The following KCNQ5 variants were observed in gnomAD, a reference collection of about 807,000 sequenced individuals.
KCNQ5 encodes the protein potassium voltage-gated channel subfamily KQT member 5.
KCNQ5 carries 30 observed loss-of-function variants against 98.2 expected under a neutral mutation model. That is an observed-to-expected ratio of 0.31 (90% confidence interval 0.23 to 0.41). The LOEUF is 0.41. Ranked by LOEUF, KCNQ5 falls within the 10% of genes least tolerant of loss-of-function variation. The pLI, the probability that KCNQ5 is intolerant of heterozygous loss-of-function variation, is 1.00. For missense variants in KCNQ5, 835 were observed against 1,182.5 expected, an observed-to-expected ratio of 0.71 and a Z score of 4.31; for synonymous variants, 458 against 449.4, an observed-to-expected ratio of 1.02 and a Z score of -0.24.
chr6:73,193,846 T>C (rs1238280558), intron 13 of KCNQ5, among the ~76,000 whole-genome samples: 1 of 150,956 alleles, frequency 6.6e-6, no homozygotes, highest in Non-Finnish European at 1.5e-5. Flanking sequence ...CTTTTTTTTT[T>C]TTTTTTTTTC....
chr6:72,693,045 G>A (rs1768292458), intron 1 of KCNQ5, among the ~76,000 whole-genome samples: 1 of 152,140 alleles, frequency 6.6e-6, no homozygotes, highest in Non-Finnish European at 1.5e-5. Flanking sequence ...TAGCAATATA[G>A]AGAATGGATT....
At chr6:73,027,343 G>T (rs1255728718) in intron 2 of KCNQ5, among the ~76,000 whole-genome samples, 1 of 152,152 alleles carries the variant, frequency 6.6e-6, no homozygotes, top group Non-Finnish European at 1.5e-5. Flanking sequence ...CAGGAACCTG[G>T]AACTTACCTG....
chr6:72,622,659 C>G lies in KCNQ5; in HGVS notation c.398+72C>G, dbSNP rs1300135631. Reference sequence around the variant, plus strand: ...CCCTGGCCCCCTGGGGCGTGCTCCGCGCTCGCGCCCTTGGGCCCCCGCGCG... The same window carrying G: ...CCCTGGCCCCCTGGGGCGTGCTCCGGGCTCGCGCCCTTGGGCCCCCGCGCG... On this transcript the variant is annotated intron_variant, in intron 1 of 13. Transcript: ENST00000370398. This position sits in a 1 kb window ranked among gnomAD's most constrained non-coding sequence, Gnocchi z 6.0. 1.3e-6 allele frequency: 2 copies of G among 1,552,992 alleles called. No homozygotes were observed. Among genetic ancestry groups the G allele is most frequent in the South Asian group, 2.3e-5 (2 of 85,710 alleles).
At chr6:73,035,450 G>A (rs1771368641) in intron 2 of KCNQ5, among the ~76,000 whole-genome samples, 1 of 152,142 alleles carries the variant, frequency 6.6e-6, no homozygotes. Context: ...TGCCATTTCA[G>A]TAAATAGCGA....
chr6:72,890,498 C>T (rs1046092654), intron 1 of KCNQ5, among the ~76,000 whole-genome samples: 2 of 151,462 alleles, frequency 1.3e-5, no homozygotes, highest in African/African-American at 4.8e-5. Context: ...TGCATTAAAA[C>T]AAGTCATTGA....
chr6:72,845,630 G>C (rs1240611472), intron 1 of KCNQ5, among the ~76,000 whole-genome samples: 1 of 152,194 alleles, frequency 6.6e-6, no homozygotes, highest in East Asian at 1.9e-4. Context: ...AGCTCCTGTT[G>C]TCATAACAAA....
intron 10 of KCNQ5, among the ~76,000 whole-genome samples, chr6:73,162,813 C>CA (rs1202693878): frequency 1.3e-5 from 2 of 152,186 alleles, no homozygotes; most frequent in African/African-American, 4.8e-5. Flanking sequence ...GGAGTTGGCA[C>CA]ATCCTCCTCA....
chr6:72,749,613 A>G (rs1240213898), intron 1 of KCNQ5, among the ~76,000 whole-genome samples: 4 of 152,088 alleles, frequency 2.6e-5, no homozygotes, highest in African/African-American at 9.7e-5. Context: ...CTTCCACTCT[A>G]CAGAAAAGGG....
chr6:72,758,802 G>A (rs954239445), intron 1 of KCNQ5, among the ~76,000 whole-genome samples: 2 of 152,064 alleles, frequency 1.3e-5, no homozygotes, highest in Non-Finnish European at 2.9e-5. Flanking sequence ...TACCATTGTA[G>A]AAACAAAAAT....
chr6:73,044,755 G>T (rs2150359872), intron 3 of KCNQ5, among the ~76,000 whole-genome samples: 1 of 152,142 alleles, frequency 6.6e-6, no homozygotes, highest in Non-Finnish European at 1.5e-5. Context: ...GTGACAAAAT[G>T]AAAAAAGAAA....
intron 1 of KCNQ5, among the ~76,000 whole-genome samples, chr6:72,762,708 G>C (rs1772349861): frequency 6.6e-6 from 1 of 152,086 alleles, no homozygotes; most frequent in South Asian, 2.1e-4. Context: ...AGAAGAGGAT[G>C]ATAGTGTGTT....
chr6:72,743,704 A>G lies in KCNQ5; in HGVS notation c.398+121117A>G, dbSNP rs532483858. ...GAACTGGATTCAACCTCTGGTTTGT[A>G]TTCTTACCAGGTCTGCTGACACTGA... On this transcript the variant is annotated intron_variant, in intron 1 of 13. Coordinates refer to ENST00000370398, the MANE Select transcript of KCNQ5 (RefSeq NM_019842.4). 1.1e-4 allele frequency among the ~76,000 whole-genome samples: 16 copies of G among 152,316 alleles called. No homozygotes were observed. The South Asian group carries it at 3.3e-3, about 32-fold the overall frequency.
rs568987527 is a variant in KCNQ5, at chr6:73,148,895, A to G, written c.1468+15254A>G. On this transcript the variant is annotated intron_variant, in intron 10 of 13. Coordinates refer to ENST00000370398, the MANE Select transcript of KCNQ5 (RefSeq NM_019842.4). The stretch of plus-strand genomic sequence containing the variant: ...CTGTGTGCAGTTCTGGTCACCTCCT[A>G]GGGAAGCACTGAGAAGGGAGCAAGT... 2.0e-3 allele frequency among the ~76,000 whole-genome samples: 298 copies of G among 152,268 alleles called. 3 individuals are homozygous for G. Among genetic ancestry groups the G allele is most frequent in the African/African-American group, 6.9e-3 (287 of 41,564 alleles).
At chr6:72,934,762 CTA>C in intron 1 of KCNQ5, among the ~76,000 whole-genome samples, 1 of 152,294 alleles carries the variant, frequency 6.6e-6, no homozygotes, top group East Asian at 1.9e-4. Flanking sequence ...CATAGCTCAG[CTA>C]TGTTTTTTCA....
chr6:73,135,504 C>G (rs1204324197), intron 10 of KCNQ5: 3 of 151,838 alleles, frequency 2.0e-5, no homozygotes, highest in Non-Finnish European at 4.4e-5. Context: ...TTAGCCCTTC[C>G]TTTCACACAC....
chr6:72,918,271 C>T (rs1780250028), intron 1 of KCNQ5, among the ~76,000 whole-genome samples: 5 of 152,142 alleles, frequency 3.3e-5, no homozygotes, highest in Admixed American at 3.3e-4. Context: ...TTTGTTTAAA[C>T]TCATGCCAAA....
chr6:72,901,341 AG>A (rs1389321321), intron 1 of KCNQ5, among the ~76,000 whole-genome samples: 1 of 151,796 alleles, frequency 6.6e-6, no homozygotes, highest in Non-Finnish European at 1.5e-5. Flanking sequence ...GTCATGCAAA[AG>A]CTCTTTTAAT....
At chr6:72,758,656 G>T (rs1265642161) in intron 1 of KCNQ5, among the ~76,000 whole-genome samples, 1 of 152,110 alleles carries the variant, frequency 6.6e-6, no homozygotes, top group African/African-American at 2.4e-5. Flanking sequence ...GCACACAAAT[G>T]AGCAAAGGGG....
intron 11 of KCNQ5, among the ~76,000 whole-genome samples, chr6:73,186,854 C>A (rs1478767361): frequency 6.6e-6 from 1 of 151,892 alleles, no homozygotes; most frequent in East Asian, 1.9e-4. Flanking sequence ...AGTTTTGTTA[C>A]ATAGGTATAC....
Sources: gnomAD v4.1 joint callset for allele counts (sites outside exome capture counted in the v4.1 genomes callset) on GRCh38, gnomAD v4.1.1 for gene constraint, Gnocchi (gnomAD v3.1) non-coding constraint, MANE v1.5 for transcripts, NCBI Gene and HGNC (gene_info 2026-07-23, HGNC 2026-07-21) for gene names.